The following RAB2A variants were observed in gnomAD, a reference collection of about 807,000 sequenced individuals.
The protein encoded by RAB2A is RAB2A, member RAS oncogene family, also known as ras-related protein Rab-2A.
Under a neutral mutation model 32.5 loss-of-function variants are expected in RAB2A, and 7 were observed. The ratio of observed to expected loss-of-function variants is 0.22; its 90% CI spans 0.12 to 0.40. The LOEUF is 0.40. Among genes scored for constraint, RAB2A ranks in the 10% least tolerant of loss-of-function variants. The probability of loss-of-function intolerance (pLI) is 1.00; values close to 1 mark genes in which losing one functional copy is unlikely to be tolerated. For missense variants in RAB2A, 108 were observed against 260.7 expected (o/e 0.41, Z 4.03); for synonymous variants, 79 against 85.2 (o/e 0.93, Z 0.40).
intron 5 of RAB2A, among the ~76,000 whole-genome samples, chr8:60,586,708 G>T (rs1803855694): frequency 6.6e-6 from 1 of 152,032 alleles, no homozygotes; most frequent in Non-Finnish European, 1.5e-5. Flanking sequence ...CATGAGGCAA[G>T]GAGTTCAAGA....
intron 6 of RAB2A, among the ~76,000 whole-genome samples, chr8:60,598,848 C>A (rs895532589): frequency 6.9e-5 from 10 of 144,746 alleles, no homozygotes; most frequent in African/African-American, 2.3e-4. Flanking sequence ...AGGTCGAAGG[C>A]CTTGTTCCTT....
At chr8:60,584,416 C>A in intron 4 of RAB2A, 126 bp downstream of exon 4, 1 of 755,142 alleles carries the variant, frequency 1.3e-6, no homozygotes, top group Admixed American at 2.7e-5. Flanking sequence ...AAAACTGCAT[C>A]TTGAGTCCAA....
chr8:60,550,838 G>A (rs1029884346), intron 1 of RAB2A, among the ~76,000 whole-genome samples: 1 of 152,056 alleles, frequency 6.6e-6, no homozygotes, highest in East Asian at 1.9e-4. Context: ...AGTTCTTTAG[G>A]TTCTGTGTGA....
At chr8:60,548,752 G>C (rs1460444954) in intron 1 of RAB2A, among the ~76,000 whole-genome samples, 1 of 140,684 alleles carries the variant, frequency 7.1e-6, no homozygotes, top group Admixed American at 6.8e-5. Flanking sequence ...GGATGGGGCG[G>C]CTGGCCGGGC....
At chr8:60,592,844 AAGT>A (rs1449989057) in intron 6 of RAB2A, among the ~76,000 whole-genome samples, 4 of 152,216 alleles carry the variant, frequency 2.6e-5, no homozygotes, top group Non-Finnish European at 5.9e-5. Context: ...AAGCTAAGAA[AAGT>A]AGTAGTTTAT....
chr8:60,617,206 A>G (rs1162499607), intron 6 of RAB2A, among the ~76,000 whole-genome samples: 2 of 152,158 alleles, frequency 1.3e-5, no homozygotes, highest in Non-Finnish European at 2.9e-5. Flanking sequence ...AATATTTTAC[A>G]TAGAGAATGC....
upstream of RAB2A, chr8:60,516,938 A>C (rs1342459499): frequency 5.9e-5 from 20 of 341,422 alleles, no homozygotes; most frequent in South Asian, 3.5e-4. Context: ...GCGGCCGCAG[A>C]ACTTCCGGGT....
intron 1 of RAB2A, among the ~76,000 whole-genome samples, chr8:60,535,776 A>G (rs1586066943): frequency 6.6e-6 from 1 of 152,240 alleles, no homozygotes; most frequent in South Asian, 2.1e-4. Context: ...CTGGATGCAT[A>G]CCACTGGCCT....
chr8:60,591,197 C>G (rs1440514727), intron 5 of RAB2A, among the ~76,000 whole-genome samples: 1 of 151,800 alleles, frequency 6.6e-6, no homozygotes, highest in Non-Finnish European at 1.5e-5. Flanking sequence ...CTCCCCCCCA[C>G]TAATAAAATT....
chr8:60,558,410 T>C, intron 1 of RAB2A: 1 of 506,908 alleles, frequency 2.0e-6, no homozygotes, highest in Non-Finnish European at 3.9e-6. Context: ...AGCAAGGAGC[T>C]TTTCCCAGAA....
chr8:60,608,214 A>G (rs1332890610), intron 6 of RAB2A, among the ~76,000 whole-genome samples: 3 of 152,252 alleles, frequency 2.0e-5, no homozygotes, highest in Non-Finnish European at 4.4e-5. Flanking sequence ...AGAATAATAA[A>G]AACATATCAT....
At chr8:60,607,579 C>T (rs906712221) in intron 6 of RAB2A, among the ~76,000 whole-genome samples, 1 of 152,152 alleles carries the variant, frequency 6.6e-6, no homozygotes, top group Non-Finnish European at 1.5e-5. Context: ...CCCAGCCTAC[C>T]TAAGTCAGTT....
At chr8:60,571,669 G>GT (rs899504626) in intron 2 of RAB2A, among the ~76,000 whole-genome samples, 9 of 151,940 alleles carry the variant, frequency 5.9e-5, no homozygotes, top group African/African-American at 1.9e-4. Flanking sequence ...CCCTTTTAGT[G>GT]TTTTTTATAC....
intron 6 of RAB2A, among the ~76,000 whole-genome samples, chr8:60,607,449 A>AC (rs1308057181): frequency 1.4e-5 from 2 of 143,972 alleles, no homozygotes; most frequent in Non-Finnish European, 3.1e-5. Context: ...AAAAAAAAAA[A>AC]GGTTTTTGTA....
chr8:60,583,550 A>G (rs1803796861), intron 3 of RAB2A, among the ~76,000 whole-genome samples: 2 of 152,218 alleles, frequency 1.3e-5, no homozygotes, highest in Admixed American at 1.3e-4. Flanking sequence ...AAAATTGATT[A>G]AGTGTGGAGA....
At chr8:60,547,217 G>A (rs191122899) in intron 1 of RAB2A, among the ~76,000 whole-genome samples, 5 of 152,188 alleles carry the variant, frequency 3.3e-5, no homozygotes, top group African/African-American at 1.2e-4. Flanking sequence ...TTGGGGGTAA[G>A]GTCACCGATC....
chr8:60,605,175 A>G (rs1447454058), intron 6 of RAB2A, among the ~76,000 whole-genome samples: 1 of 152,234 alleles, frequency 6.6e-6, no homozygotes, highest in Non-Finnish European at 1.5e-5. Flanking sequence ...ACACTGTTTC[A>G]GAGGGTGCTA....
At position 60,552,312 on chromosome 8, in the gene RAB2A, T is replaced by G. The variant is rs186307187; in HGVS notation, c.47-6540T>G. 5 of 151,442 alleles carry G rather than the reference T, an allele frequency of 3.3e-5. No individual in the cohort carries two copies. In the East Asian group the frequency reaches 9.7e-4, roughly 29 times the overall value. The allele number at this position is 151,442 out of a possible 1,614,324, so 9.4% of individuals were successfully genotyped here. On this transcript the variant is annotated intron_variant, in intron 1 of 7. Coordinates refer to ENST00000262646, the MANE Select transcript of RAB2A (RefSeq NM_002865.3). ...CACCACGCCCGGCCTAATTTTTAAA[T>G]TTTTTTATACCTATGGGGTCTCACT... is the stretch of plus-strand genomic sequence containing the variant.
At chr8:60,560,887 A>G (rs1252508094) in intron 2 of RAB2A, among the ~76,000 whole-genome samples, 2 of 152,206 alleles carry the variant, frequency 1.3e-5, no homozygotes, top group South Asian at 2.1e-4. Context: ...GGAAAGAGAA[A>G]GGAGTAGACC....
Sources: allele counts gnomAD v4.1 joint callset (sites outside exome capture counted in the v4.1 genomes callset), GRCh38; gene constraint gnomAD v4.1.1; transcripts MANE v1.5; gene names NCBI Gene and HGNC (gene_info 2026-07-23, HGNC 2026-07-21).